IQSEC1: variants seen among roughly 807,000 people sequenced by gnomAD.
IQSEC1 encodes IQ motif and SEC7 domain-containing protein 1.
Under a neutral mutation model 91.0 loss-of-function variants are expected in IQSEC1, and 31 were observed. The ratio of observed to expected loss-of-function variants is 0.34; its 90% CI spans 0.26 to 0.46. IQSEC1 has a LOEUF of 0.46. IQSEC1 is among the 20% of genes least tolerant of loss of function. The probability of loss-of-function intolerance (pLI) is 1.00; values close to 1 mark genes in which losing one functional copy is unlikely to be tolerated. For missense variants in IQSEC1, 1,388 were observed against 1,575.6 expected, an observed-to-expected ratio of 0.88 and a Z score of 2.02; for synonymous variants, 699 against 662.6, an observed-to-expected ratio of 1.05 and a Z score of -0.84.
At position 13,030,883 on chromosome 3, in the gene IQSEC1, T is replaced by C. The variant is rs544029092; in HGVS notation, c.23+42109A>G. On this transcript the variant is annotated intron_variant, in intron 1 of 13. Transcript: ENST00000613206. ...TCGCCTTACAACTCCGAGGTTCACC[T>C]TCACCAAGCAGCTATCTCCACTTCC... 8.5e-5 allele frequency among the ~76,000 whole-genome samples: 13 copies of C among 152,394 alleles called. 1 individual carries two copies. In the South Asian group the frequency reaches 2.3e-3, roughly 27 times the overall value.
At chr3:13,037,812 T>A (rs1704092188) in intron 1 of IQSEC1, among the ~76,000 whole-genome samples, 1 of 151,592 alleles carries the variant, frequency 6.6e-6, no homozygotes, top group Non-Finnish European at 1.5e-5. Flanking sequence ...CCCAGAGCAG[T>A]GAAATTCATG....
intron 1 of IQSEC1, among the ~76,000 whole-genome samples, chr3:13,238,765 T>A (rs978907174): frequency 1.3e-5 from 2 of 152,134 alleles, no homozygotes; most frequent in African/African-American, 4.8e-5. Context: ...GAGGATGGCC[T>A]CCACTCTGAG....
chr3:13,095,452 G>A (rs1013150887), intron 2 of IQSEC1, among the ~76,000 whole-genome samples: 3 of 152,270 alleles, frequency 2.0e-5, no homozygotes, highest in East Asian at 1.9e-4. Context: ...CAGCAGCACC[G>A]GGGGCTGATG....
intron 1 of IQSEC1, among the ~76,000 whole-genome samples, chr3:13,021,677 G>A (rs754564078): frequency 1.3e-5 from 2 of 152,204 alleles, no homozygotes; most frequent in Non-Finnish European, 2.9e-5. Context: ...CTGAAGGGAC[G>A]CGTGTGAGCC....
In IQSEC1 at chr3:12,908,524, C is replaced by A. The variant is rs776819752; in HGVS notation, c.2580G>T (p.Ser860=). 1.2e-6 allele frequency: 2 copies of A among 1,613,514 alleles called. No homozygotes were observed. Among genetic ancestry groups the A allele is most frequent in the African/African-American group, 2.7e-5 (2 of 75,022 alleles). Residue 860 remains serine (S), a splice_region_variant and synonymous_variant, in exon 12 of 14, where the codon TCG becomes TCT. Transcript: ENST00000613206. The surrounding 1 kb of genome is among the most constrained non-coding windows in gnomAD (Gnocchi z 4.9). ...VQEMEKHRIE[S]ELEKQKGVVR... is the part of the protein sequence containing the mutation. ...CGACGCCTTTCTGCTTCTCGAGCTC[C>A]GCTGGAACAGAGAGGGTGAGGGTCC...
At position 12,899,680 on chromosome 3, in the gene IQSEC1, C is replaced by T. The variant is rs977056772; in HGVS notation, c.*1303G>A. On this transcript the variant is annotated 3_prime_UTR_variant, in exon 14 of 14. Coordinates refer to ENST00000613206, the MANE Select transcript of IQSEC1 (RefSeq NM_001134382.3). ...GCTAGCACATGGCTACATGGAATTA[C>T]GGTGATCACTGCTACCACTCAGAAA... 3.3e-5 allele frequency: 33 copies of T among 985,428 alleles called. No homozygotes were observed. The African/African-American group carries it at 4.0e-4, about 12-fold the overall frequency. 61.0% of individuals were successfully genotyped at this position (985,428 alleles called of 1,614,324 possible). A position where few individuals can be genotyped will look rare whatever the true frequency, so the allele number is the denominator to read the frequency against.
Position 13,145,808 on chromosome 3 carries a change from G to T in IQSEC1, c.302+18296C>A, listed in dbSNP as rs573370069. Among the ~76,000 whole-genome samples the T allele has an allele frequency of 4.6e-4, 63 of 135,672 alleles. 4 individuals are homozygous for T. The East Asian group carries it at 0.013, about 29-fold the overall frequency. The allele number at this position is 135,672 out of a possible 152,430, so 89.0% of individuals were successfully genotyped here. A position where few individuals can be genotyped will look rare whatever the true frequency, so the allele number is the denominator to read the frequency against. On this transcript the variant is annotated intron_variant, in intron 2 of 15. Transcript: ENST00000648114. ...GTGAACCTGGGCGCCCGGGGGCGGG[G>T]GGGGGGGGTCCTGATCATTGGGAAC...
intron 1 of IQSEC1, among the ~76,000 whole-genome samples, chr3:13,264,404 G>A (rs911921815): frequency 9.2e-5 from 14 of 152,196 alleles, no homozygotes; most frequent in African/African-American, 2.2e-4. Context: ...AACACGCCCC[G>A]CTGCCTGCTC....
intron 2 of IQSEC1, among the ~76,000 whole-genome samples, chr3:13,158,307 C>G (rs1446821340): frequency 6.6e-6 from 1 of 152,226 alleles, no homozygotes; most frequent in Non-Finnish European, 1.5e-5. Context: ...ACAGCAAACA[C>G]TCCCAGCTTT....
chr3:13,111,057 C>T (rs1706237147), intron 2 of IQSEC1, among the ~76,000 whole-genome samples: 1 of 152,246 alleles, frequency 6.6e-6, no homozygotes, highest in African/African-American at 2.4e-5. Flanking sequence ...TGCCACCCAG[C>T]AAAGTGCGCC....
At position 12,901,440 on chromosome 3, in the gene IQSEC1, G is replaced by A. The variant is rs1443467309; in HGVS notation, c.2888C>T (p.Pro963Leu). ...GGAGCCCAGGAGGGAAGATGAGTTG[G>A]GCATAGTCTGGTGTGGGCGAGATGG... ...ECPSRPHQTM[P>L]NSSSLLGSLF... The change falls in exon 14 of 14, where the codon CCC becomes CTC. Residue 963 changes from proline (P) to leucine (L), a missense_variant. Pro to Leu is a moderately conservative substitution (Grantham distance 98). Around this residue, in one of 2 missense-constraint regions of IQSEC1, gnomAD observed 329 missense variants for 257.8 expected, o/e 1.28. Coordinates refer to ENST00000613206, the MANE Select transcript of IQSEC1 (RefSeq NM_001134382.3). 1 of 1,548,542 alleles carries A rather than the reference G, an allele frequency of 6.5e-7. No individual in the cohort carries two copies. The highest frequency in any genetic ancestry group is 1.2e-5 in the South Asian group (1 of 84,060).
At chr3:13,165,537 CGT>C (rs57239903) in intron 1 of IQSEC1, among the ~76,000 whole-genome samples, 886 of 66,656 alleles carry the variant, frequency 0.013, 9 homozygotes, top group African/African-American at 0.042. Flanking sequence ...GGGGGGGTGG[CGT>C]GTGTGTGTGT....
At chr3:13,273,677 C>T (rs1361281202) in intron 1 of IQSEC1, among the ~76,000 whole-genome samples, 1 of 152,204 alleles carries the variant, frequency 6.6e-6, no homozygotes, top group African/African-American at 2.4e-5. Context: ...CCTCCCTCAC[C>T]CTGGTACCCA....
intron 1 of IQSEC1, among the ~76,000 whole-genome samples, chr3:13,213,161 G>A (rs1694477598): frequency 6.6e-6 from 1 of 152,160 alleles, no homozygotes; most frequent in Non-Finnish European, 1.5e-5. Flanking sequence ...AAGTTTTCTT[G>A]TATTTTATCA....
intron 2 of IQSEC1, among the ~76,000 whole-genome samples, chr3:13,150,171 C>G (rs922070750): frequency 3.3e-5 from 5 of 152,178 alleles, no homozygotes; most frequent in African/African-American, 1.2e-4. Context: ...TTTTTCCCAA[C>G]AGGGTCAAGA....
intron 1 of IQSEC1, among the ~76,000 whole-genome samples, chr3:13,052,357 C>A (rs1479660710): frequency 6.6e-6 from 1 of 152,246 alleles, no homozygotes; most frequent in African/African-American, 2.4e-5. Context: ...CTGCATTCAG[C>A]CACTCTTCGG....
At chr3:12,916,091 GGGGAGGCTGGAGTATA>G (rs1480473231) in intron 6 of IQSEC1, among the ~76,000 whole-genome samples, 2 of 152,194 alleles carry the variant, frequency 1.3e-5, no homozygotes, top group East Asian at 3.8e-4. Flanking sequence ...GCTGACGTGT[GGGGAGGCTGGAGTATA>G]GGGAGGCTGG....
chr3:13,044,714 C>T (rs1559738727), intron 1 of IQSEC1, among the ~76,000 whole-genome samples: 1 of 152,196 alleles, frequency 6.6e-6, no homozygotes, highest in African/African-American at 2.4e-5. Context: ...TGGAGAAGGA[C>T]ATTAGCTTCC....
At chr3:13,238,078 G>A (rs6442360) in intron 1 of IQSEC1, among the ~76,000 whole-genome samples, 58,254 of 152,202 alleles carry the variant, frequency 0.38, 15,812 homozygotes, top group African/African-American at 0.78. Flanking sequence ...ACGCATGGTC[G>A]GGCAGGCCTG....
Sources: gnomAD v4.1 joint callset for allele counts (sites outside exome capture counted in the v4.1 genomes callset) on GRCh38, gnomAD v4.1.1 for gene constraint, gnomAD v4.1.1 regional missense constraint, Gnocchi (gnomAD v3.1) non-coding constraint, MANE v1.5 for transcripts, NCBI Gene and HGNC (gene_info 2026-07-23, HGNC 2026-07-21) for gene names.